DNAH8: variants seen among roughly 807,000 people sequenced by gnomAD.
The protein encoded by DNAH8 is dynein axonemal heavy chain 8.
DNAH8 carries 382 observed loss-of-function variants against 562.1 expected under a neutral mutation model. That is an observed-to-expected ratio of 0.68 (90% CI 0.63 to 0.74). DNAH8 has a LOEUF of 0.74. DNAH8 is among the 30% of genes least tolerant of loss of function. The pLI is 0.00. For synonymous variants in DNAH8, 1,881 were observed against 1,919.4 expected, an observed-to-expected ratio of 0.98 and a Z score of 0.52; for missense variants, 5,203 against 5,620.4, an observed-to-expected ratio of 0.93 and a Z score of 2.37.
intron 10 of DNAH8, among the ~76,000 whole-genome samples, chr6:38,757,660 A>G (rs1014728569): frequency 5.3e-5 from 8 of 152,306 alleles, no homozygotes; most frequent in Admixed American, 2.6e-4. Flanking sequence ...TTTAGGTCTA[A>G]CATTTAAGTC....
At chr6:38,944,826 A>G (rs141722852) in intron 79 of DNAH8, among the ~76,000 whole-genome samples, 1 of 152,330 alleles carries the variant, frequency 6.6e-6, no homozygotes, top group African/African-American at 2.4e-5. Flanking sequence ...GAATGGATAA[A>G]TGATTTAAAT....
chr6:38,715,958 A>ATTTTTTTTT (rs1454056787), intron 1 of DNAH8, among the ~76,000 whole-genome samples: 8 of 31,038 alleles, frequency 2.6e-4, no homozygotes, highest in African/African-American at 1.3e-3. Flanking sequence ...ATATATATAT[A>ATTTTTTTTT]TATTTTTTTT....
chr6:38,745,310 C>A (rs1764837030), intron 8 of DNAH8, among the ~76,000 whole-genome samples: 1 of 152,102 alleles, frequency 6.6e-6, no homozygotes, highest in Non-Finnish European at 1.5e-5. Flanking sequence ...ATGTTTTCTC[C>A]CTTCATCCAT....
At chr6:39,015,490 T>G (rs116649241) in intron 91 of DNAH8, among the ~76,000 whole-genome samples, 1,524 of 152,302 alleles carry the variant, frequency 0.01, 14 homozygotes, top group Non-Finnish European at 0.015. Flanking sequence ...TTCGTGATAG[T>G]GAGTGAGTTC....
At chr6:38,744,984 G>T (rs2127590067) in intron 8 of DNAH8, among the ~76,000 whole-genome samples, 1 of 152,226 alleles carries the variant, frequency 6.6e-6, no homozygotes, top group Middle Eastern at 3.4e-3. Flanking sequence ...GGGCATCTCT[G>T]CACATTTTCA....
intron 66 of DNAH8, 136 bp downstream of exon 66, chr6:38,911,722 G>C (rs1373809151): frequency 1.6e-5 from 10 of 639,638 alleles, no homozygotes; most frequent in African/African-American, 1.5e-4. Context: ...TTAAAGGATG[G>C]CCTTGAGGGT....
At chr6:38,830,865 G>A (rs1000972757) in intron 30 of DNAH8, among the ~76,000 whole-genome samples, 1 of 152,062 alleles carries the variant, frequency 6.6e-6, no homozygotes, top group Non-Finnish European at 1.5e-5. Context: ...ATGATTTTAT[G>A]CAAGTTAATA....
intron 11 of DNAH8, among the ~76,000 whole-genome samples, chr6:38,762,236 A>G (rs1023893298): frequency 5.3e-5 from 8 of 152,194 alleles, no homozygotes; most frequent in Non-Finnish European, 7.3e-5. Context: ...ATTTAAATAT[A>G]TCTTTGATCA....
In DNAH8 at chr6:38,914,095, A is replaced by G. The variant is rs891758099; in HGVS notation, c.9963+143A>G. 10 of 620,610 alleles carry G rather than the reference A, an allele frequency of 1.6e-5. No homozygotes were observed. In the East Asian group the frequency reaches 2.6e-4, roughly 16 times the overall value. The allele number at this position is 620,610 out of a possible 1,614,324, so 38.4% of individuals were successfully genotyped here. A position where few individuals can be genotyped will look rare whatever the true frequency, so the allele number is the denominator to read the frequency against. On this transcript the variant is annotated intron_variant, in intron 67 of 92. Coordinates refer to ENST00000327475, the MANE Select transcript of DNAH8 (RefSeq NM_001206927.2). ...ATAGTGTTCACAAAGACCATTAGAC[A>G]TTTTTGTTTAACTTATACCAGCGTA...
intron 74 of DNAH8, among the ~76,000 whole-genome samples, chr6:38,926,772 G>A (rs149454288): frequency 0.013 from 1,960 of 152,184 alleles, 35 homozygotes; most frequent in Middle Eastern, 0.037. Context: ...CCGTCCCCAT[G>A]TTTTTGCTTA....
chr6:38,885,700 C>G (rs921374800), intron 56 of DNAH8, among the ~76,000 whole-genome samples: 1 of 152,172 alleles, frequency 6.6e-6, no homozygotes, highest in African/African-American at 2.4e-5. Context: ...TTTCCTCTGC[C>G]TAGAGTGCTC....
chr6:38,940,541 G>A (rs1031723428), intron 79 of DNAH8, among the ~76,000 whole-genome samples: 36 of 152,236 alleles, frequency 2.4e-4, no homozygotes, highest in Middle Eastern at 3.4e-3. Flanking sequence ...CCTCTCCAAC[G>A]TGCTGTTATA....
At chr6:38,739,564 T>C (rs1388424534) in intron 7 of DNAH8, among the ~76,000 whole-genome samples, 1 of 152,114 alleles carries the variant, frequency 6.6e-6, no homozygotes, top group African/African-American at 2.4e-5. Context: ...CCCAGCACTT[T>C]GGGAGCCCAA....
rs1561849198 is a variant in DNAH8, at chr6:38,909,744, GGTAA to G, written c.9740+3_9740+6del. ...GAGAGCTGTGAAAGTTATTTCCAAA[GGTAA>G]GTGATATTACATAAGCACCATCGCT... On this transcript the variant is annotated splice_donor_variant and splice_donor_region_variant and intron_variant, in intron 65 of 92. Coordinates refer to ENST00000327475, the MANE Select transcript of DNAH8 (RefSeq NM_001206927.2). LOFTEE classifies it high-confidence loss of function. The G allele has an allele frequency of 6.2e-7, 1 of 1,612,756 alleles. No individual in the cohort carries two copies. Among genetic ancestry groups the G allele is most frequent in the Non-Finnish European group, 8.5e-7 (1 of 1,178,856 alleles).
rs1781914630 is a variant in DNAH8 at position 38,923,951 on chromosome 6, T to G, written c.10791-40T>G. The G allele has an allele frequency of 1.9e-6, 3 of 1,608,152 alleles. No homozygotes were observed. The East Asian group carries it at 6.7e-5, about 36-fold the overall frequency. ...ACCTCTCAAACAACTTAATGTCAGGTGACTCACTTTGGGGAGGGGGCTGTG... is the reference window on the plus strand; with the variant it reads ...ACCTCTCAAACAACTTAATGTCAGGGGACTCACTTTGGGGAGGGGGCTGTG... On this transcript the variant is annotated intron_variant, in intron 72 of 92. Coordinates refer to ENST00000327475, the MANE Select transcript of DNAH8 (RefSeq NM_001206927.2).
rs780330541 is a variant in DNAH8, at chr6:38,945,567, A to G, written c.12108A>G (p.Gln4036=). Residue 4036 remains glutamine, a synonymous_variant, in exon 80 of 93, where the codon CAA becomes CAG. Transcript: ENST00000327475. ...LNLVELSKLP[Q]FAEIMNQISR... ...TTGTGGAGCTGAGTAAACTTCCACAATTTGCAGAAATTATGAACCAGGTAA... is the reference window on the plus strand; with the variant it reads ...TTGTGGAGCTGAGTAAACTTCCACAGTTTGCAGAAATTATGAACCAGGTAA... 14 of 1,614,106 alleles carry G rather than the reference A, an allele frequency of 8.7e-6. No individual in the cohort carries two copies. The highest frequency in any genetic ancestry group is 1.2e-5 in the Non-Finnish European group (14 of 1,179,986).
intron 6 of DNAH8, 148 bp downstream of exon 6, chr6:38,737,404 T>C: frequency 2.2e-6 from 1 of 456,542 alleles, no homozygotes; most frequent in East Asian, 3.5e-5. Context: ...TCATTAGAAC[T>C]CATTTTTGAG....
chr6:38,835,373 TG>T (rs1345900402), intron 32 of DNAH8, among the ~76,000 whole-genome samples: 1 of 151,404 alleles, frequency 6.6e-6, no homozygotes, highest in Non-Finnish European at 1.5e-5. Context: ...AGGAGAAATT[TG>T]ATGAAGAAGT....
At chr6:39,014,136 T>C (rs1307976740) in intron 91 of DNAH8, among the ~76,000 whole-genome samples, 3 of 152,212 alleles carry the variant, frequency 2.0e-5, no homozygotes, top group African/African-American at 4.8e-5. Flanking sequence ...ATGTTTAAAT[T>C]TGAAACACTA....
Sources: gnomAD v4.1 joint callset for allele counts (sites outside exome capture counted in the v4.1 genomes callset) on GRCh38, gnomAD v4.1.1 for gene constraint, MANE v1.5 for transcripts, NCBI Gene and HGNC (gene_info 2026-07-23, HGNC 2026-07-21) for gene names.